Variants in GARNL3 observed in about 807,000 individuals in gnomAD.
GARNL3 encodes GTPase-activating Rap/Ran-GAP domain-like protein 3.
Under a neutral mutation model 125.0 loss-of-function variants are expected in GARNL3, and 63 were observed. The ratio of observed to expected loss-of-function variants is 0.50; its 90% CI spans 0.41 to 0.62. GARNL3 has a LOEUF of 0.62. Ranked by LOEUF, GARNL3 falls within the 20% of genes least tolerant of loss-of-function variation. The probability of loss-of-function intolerance (pLI) is 0.00; values close to 1 mark genes in which losing one functional copy is unlikely to be tolerated. For synonymous variants in GARNL3, 439 were observed against 457.5 expected (o/e 0.96, Z 0.52); for missense variants, 994 against 1,244.0 (o/e 0.80, Z 3.02).
At chr9:127,347,616 G>A (rs1343789455) in intron 16 of GARNL3, among the ~76,000 whole-genome samples, 3 of 152,068 alleles carry the variant, frequency 2.0e-5, no homozygotes, top group Non-Finnish European at 4.4e-5. Context: ...ACTAAGAACT[G>A]GTTGTTCTGT....
chr9:127,375,027 A>T (rs886797141), intron 22 of GARNL3, among the ~76,000 whole-genome samples: 2 of 152,232 alleles, frequency 1.3e-5, no homozygotes, highest in African/African-American at 4.8e-5. Context: ...GTTGGTAAGG[A>T]TGTGAAGAAA....
At chr9:127,349,574 A>T (rs1277112250) in intron 17 of GARNL3, among the ~76,000 whole-genome samples, 1 of 152,204 alleles carries the variant, frequency 6.6e-6, no homozygotes, top group Non-Finnish European at 1.5e-5. Context: ...AGCCAGATAG[A>T]TCAGCCTTCC....
intron 7 of GARNL3, 140 bp from the exon 8 acceptor site, chr9:127,332,134 C>T: frequency 1.5e-6 from 1 of 674,502 alleles, no homozygotes; most frequent in Admixed American, 2.3e-5. Context: ...TGGTCAATAA[C>T]CCAGATGGAT....
intron 27 of GARNL3, among the ~76,000 whole-genome samples, chr9:127,391,307 A>G (rs1832822228): frequency 6.9e-6 from 1 of 145,626 alleles, no homozygotes; most frequent in African/African-American, 2.5e-5. Flanking sequence ...TATAATATAT[A>G]TTTTATATTT....
chr9:127,263,868 A>G (rs373351469), upstream of GARNL3: 44 of 1,350,220 alleles, frequency 3.3e-5, no homozygotes, highest in East Asian at 7.8e-4. Context: ...TCTTTCTTGG[A>G]GCCTGTCAAA....
At position 127,377,954 on chromosome 9, in the gene GARNL3, G is replaced by A. The variant is rs559721954; in HGVS notation, c.2162-5484G>A. 1.3e-3 allele frequency among the ~76,000 whole-genome samples: 203 copies of A among 151,878 alleles called. 2 individuals carry two copies. Among genetic ancestry groups the A allele is most frequent in the Non-Finnish European group, 2.4e-3 (160 of 67,930 alleles). On this transcript the variant is annotated intron_variant, in intron 22 of 27. Transcript: ENST00000373387. ...GTTTCCAAAAGGGCCAATATCATTA[G>A]TATAGGCTGGGCACGGTGGCTCACA...
chr9:127,349,082 AG>A (rs1466594811), intron 17 of GARNL3, 47 bp downstream of exon 17: 1 of 1,291,042 alleles, frequency 7.7e-7, no homozygotes, highest in African/African-American at 1.5e-5. Flanking sequence ...TGTAACTTGT[AG>A]TACTTCTAAG....
At position 127,266,346 on chromosome 9, in the gene GARNL3, C is replaced by A. The variant is rs117729583; in HGVS notation, c.144+1325C>A. On this transcript the variant is annotated intron_variant, in intron 1 of 27. Coordinates refer to ENST00000373387, the MANE Select transcript of GARNL3 (RefSeq NM_032293.5). The surrounding 1 kb of genome is among the most constrained non-coding windows in gnomAD (Gnocchi z 4.0). The stretch of plus-strand genomic sequence containing the variant: ...AGAGAGGATAGACAGTAGGTATGAG[C>A]TAACAGTATGATTCCTGGCAATGCC... Among the ~76,000 whole-genome samples, 101 of 152,306 alleles carry A rather than the reference C, an allele frequency of 6.6e-4. No individual in the cohort carries two copies. Among genetic ancestry groups the A allele is most frequent in the Non-Finnish European group, 1.1e-3 (75 of 68,030 alleles).
Position 127,393,195 on chromosome 9 carries a change from G to A in GARNL3, c.2983G>A (p.Gly995Ser), listed in dbSNP as rs144848033. 27 of 1,613,582 alleles carry A rather than the reference G, an allele frequency of 1.7e-5. No homozygotes were observed. The highest frequency in any genetic ancestry group is 2.7e-5 in the African/African-American group (2 of 74,936). The change falls in exon 28 of 28, where the codon GGC (glycine) becomes AGC (serine). Residue 995 changes from glycine to serine, a missense_variant. Transcript: ENST00000373387. ...AGACAGAGAGGGCAGCCCGGTCTCC[G>A]GCAGCAGCCCCTTCCAGCTCACGGC... ...VADREGSPVS[G>S]SSPFQLTAFS...
intron 2 of GARNL3, among the ~76,000 whole-genome samples, chr9:127,302,933 C>T (rs991634916): frequency 7.9e-5 from 12 of 152,098 alleles, no homozygotes; most frequent in Admixed American, 4.6e-4. Flanking sequence ...GGGTGGATCA[C>T]GAGGTCAGGA....
chr9:127,248,699 C>T (rs2063347385), intron 2 of GARNL3, among the ~76,000 whole-genome samples: 1 of 134,450 alleles, frequency 7.4e-6, no homozygotes, highest in South Asian at 2.3e-4. Flanking sequence ...CCTCCATTTC[C>T]TGGGCTCAAG....
rs528048001 is a variant in GARNL3, at chr9:127,369,789, CT to C, written c.2161+4428del. On this transcript the variant is annotated intron_variant, in intron 22 of 27. Coordinates refer to ENST00000373387, the MANE Select transcript of GARNL3 (RefSeq NM_032293.5). ...GGGATGTAATAGCTACAGGAAGGGTCTTTTTGTTTTTCTGAAGTGTGGGATA... is the reference window on the plus strand; with the variant it reads ...GGGATGTAATAGCTACAGGAAGGGTCTTTTGTTTTTCTGAAGTGTGGGATA... Among the ~76,000 whole-genome samples, 377 of 152,222 alleles carry C rather than the reference CT, an allele frequency of 2.5e-3. 2 individuals are homozygous for C. The highest frequency in any genetic ancestry group is 3.4e-3 in the Middle Eastern group (1 of 294).
chr9:127,316,588 C>T (rs575658795), intron 4 of GARNL3, among the ~76,000 whole-genome samples: 6 of 151,916 alleles, frequency 3.9e-5, no homozygotes, highest in Admixed American at 3.3e-4. Flanking sequence ...GTATTTCTAT[C>T]GTAATATTCA....
At chr9:127,304,357 A>G (rs2064886587) in intron 2 of GARNL3, among the ~76,000 whole-genome samples, 1 of 152,126 alleles carries the variant, frequency 6.6e-6, no homozygotes, top group Non-Finnish European at 1.5e-5. Flanking sequence ...GAGCTCTCAT[A>G]TATCTTGCTA....
chr9:127,279,216 A>AT (rs1353654559), intron 1 of GARNL3, among the ~76,000 whole-genome samples: 3 of 145,298 alleles, frequency 2.1e-5, no homozygotes, highest in African/African-American at 7.7e-5. Flanking sequence ...TTCATCTTTC[A>AT]TTTTTTACAT....
intron 1 of GARNL3, among the ~76,000 whole-genome samples, chr9:127,230,015 G>A (rs955094699): frequency 1.3e-5 from 2 of 152,202 alleles, no homozygotes; most frequent in Non-Finnish European, 2.9e-5. Context: ...CTCCAGGCAG[G>A]GGCAGTGAGA....
At chr9:127,382,295 G>A (rs112259456) in intron 22 of GARNL3, among the ~76,000 whole-genome samples, 14 of 152,074 alleles carry the variant, frequency 9.2e-5, no homozygotes, top group African/African-American at 2.4e-4. Flanking sequence ...GCAAGACTCC[G>A]TCTCAAAAAT....
At chr9:127,335,123 T>C in intron 9 of GARNL3, 107 bp from the exon 10 acceptor site, 1 of 764,388 alleles carries the variant, frequency 1.3e-6, no homozygotes, top group South Asian at 1.6e-5. Context: ...AATCCAAATA[T>C]CTTGGAGAAT....
At chr9:127,268,749 A>G (rs977828601) in intron 1 of GARNL3, among the ~76,000 whole-genome samples, 18 of 152,176 alleles carry the variant, frequency 1.2e-4, no homozygotes, top group African/African-American at 4.3e-4. Flanking sequence ...TCAAAAAGCT[A>G]AAAACAGAGC....
Sources: gnomAD v4.1 joint callset for allele counts (sites outside exome capture counted in the v4.1 genomes callset) on GRCh38, gnomAD v4.1.1 for gene constraint, Gnocchi (gnomAD v3.1) non-coding constraint, MANE v1.5 for transcripts, NCBI Gene and HGNC (gene_info 2026-07-23, HGNC 2026-07-21) for gene names.